The following TBCA variants were observed in gnomAD, a reference collection of about 807,000 sequenced individuals.
The protein encoded by TBCA is tubulin-specific chaperone A.
Under a neutral mutation model 15.8 loss-of-function variants are expected in TBCA, and 6 were observed. That is an observed-to-expected ratio of 0.38 (90% CI 0.21 to 0.75). The LOEUF (loss-of-function observed/expected upper bound fraction) is 0.75, where lower values mean the gene tolerates loss of function less well. TBCA is among the 30% of genes least tolerant of loss of function. The probability of loss-of-function intolerance (pLI) is 0.46; values close to 1 mark genes in which losing one functional copy is unlikely to be tolerated. For synonymous variants in TBCA, 32 were observed against 42.3 expected (o/e 0.76, Z 0.94); for missense variants, 90 against 131.2 (o/e 0.69, Z 1.53).
Position 77,732,761 on chromosome 5 carries a change from T to C in TBCA, c.54-24414A>G, listed in dbSNP as rs367816802. ...CTTTTATGTTACTATTGTTAATTGTTTTACGGTCCCACAAACTGTGCCTAT... is the reference window on the plus strand; with the variant it reads ...CTTTTATGTTACTATTGTTAATTGTCTTACGGTCCCACAAACTGTGCCTAT... On this transcript the variant is annotated intron_variant, in intron 1 of 3. Transcript: ENST00000380377. 2.0e-4 allele frequency among the ~76,000 whole-genome samples: 31 copies of C among 152,224 alleles called. 1 individual carries two copies. The East Asian group carries it at 5.8e-3, about 28-fold the overall frequency.
At chr5:77,720,508 G>A (rs1009283626) in intron 1 of TBCA, among the ~76,000 whole-genome samples, 1 of 152,174 alleles carries the variant, frequency 6.6e-6, no homozygotes, top group Non-Finnish European at 1.5e-5. Context: ...GAGGTCAGGA[G>A]TTCAAGACCA....
At chr5:77,738,042 A>G (rs16874578) in intron 1 of TBCA, among the ~76,000 whole-genome samples, 2,353 of 152,298 alleles carry the variant, frequency 0.015, 50 homozygotes, top group African/African-American at 0.054. Context: ...AGCCTTAAGG[A>G]TATTACCTCT....
intron 1 of TBCA, among the ~76,000 whole-genome samples, chr5:77,733,864 C>T (rs1408140408): frequency 6.6e-6 from 1 of 152,176 alleles, no homozygotes; most frequent in African/African-American, 2.4e-5. Flanking sequence ...GAAATCACTG[C>T]TTAGGCTTAA....
intron 1 of TBCA, among the ~76,000 whole-genome samples, chr5:77,720,126 C>A (rs1459195663): frequency 1.3e-5 from 2 of 152,238 alleles, no homozygotes; most frequent in South Asian, 2.1e-4. Context: ...AAATGATACC[C>A]TTCCCAACTT....
At chr5:77,706,447 A>C (rs967599828) in intron 2 of TBCA, among the ~76,000 whole-genome samples, 2 of 152,172 alleles carry the variant, frequency 1.3e-5, no homozygotes, top group African/African-American at 2.4e-5. Flanking sequence ...TTTGCAATAA[A>C]TAGTACTAGC....
intron 1 of TBCA, among the ~76,000 whole-genome samples, chr5:77,719,061 T>A (rs1746471143): frequency 6.6e-6 from 1 of 152,186 alleles, no homozygotes; most frequent in African/African-American, 2.4e-5. Flanking sequence ...ATGTCTCATA[T>A]CACACCTAGC....
intron 1 of TBCA, among the ~76,000 whole-genome samples, chr5:77,734,184 A>ATATTG (rs1306618213): frequency 3.3e-5 from 5 of 152,252 alleles, no homozygotes; most frequent in African/African-American, 1.2e-4. Context: ...AAGGAGATTA[A>ATATTG]TATTGTTTTC....
intron 3 of TBCA, chr5:77,691,704 T>C (rs1381592114): frequency 7.6e-7 from 1 of 1,310,916 alleles, no homozygotes; most frequent in African/African-American, 1.5e-5. Context: ...ACTGGTGGTT[T>C]TGTTTCACTG....
At chr5:77,749,437 A>C (rs1346315738) in intron 1 of TBCA, among the ~76,000 whole-genome samples, 6 of 152,254 alleles carry the variant, frequency 3.9e-5, no homozygotes, top group Non-Finnish European at 4.4e-5. Flanking sequence ...AGATGTGTGC[A>C]TATTTTATGG....
chr5:77,768,429 C>G (rs1382949367), intron 1 of TBCA, among the ~76,000 whole-genome samples: 1 of 152,104 alleles, frequency 6.6e-6, no homozygotes, highest in Admixed American at 6.5e-5. Context: ...GTAAGTGGAG[C>G]CTGGGAGCCC....
intron 1 of TBCA, 84 bp from the exon 2 acceptor site, chr5:77,708,431 A>G (rs566909093): frequency 1.3e-6 from 1 of 756,138 alleles, no homozygotes; most frequent in South Asian, 1.9e-5. Context: ...AAAACATATT[A>G]TATTTAAAAT....
At chr5:77,758,248 C>A (rs1264967323) in intron 1 of TBCA, among the ~76,000 whole-genome samples, 2 of 149,764 alleles carry the variant, frequency 1.3e-5, no homozygotes, top group Non-Finnish European at 3.0e-5. Context: ...CAAAGACAGG[C>A]GGCCTGGCAC....
intron 1 of TBCA, among the ~76,000 whole-genome samples, chr5:77,764,972 ATATT>A (rs1433421308): frequency 1.3e-5 from 2 of 152,032 alleles, no homozygotes; most frequent in Non-Finnish European, 2.9e-5. Context: ...AATTTTTTAA[ATATT>A]TAGTTAGAAA....
intron 1 of TBCA, among the ~76,000 whole-genome samples, chr5:77,760,142 C>G (rs1747576602): frequency 6.6e-6 from 1 of 152,186 alleles, no homozygotes; most frequent in Non-Finnish European, 1.5e-5. Flanking sequence ...GCATTTGATT[C>G]TCTTTCCTAC....
At chr5:77,741,171 G>C (rs1313104866) in intron 1 of TBCA, among the ~76,000 whole-genome samples, 1 of 152,202 alleles carries the variant, frequency 6.6e-6, no homozygotes, top group Non-Finnish European at 1.5e-5. Flanking sequence ...GTTAAGAAGT[G>C]ACTAGGAGGT....
At chr5:77,692,240 AGTATGTGT>A in intron 3 of TBCA, 2 of 985,254 alleles carry the variant, frequency 2.0e-6, no homozygotes, top group Non-Finnish European at 2.4e-6. Context: ...GAGGAAATAA[AGTATGTGT>A]GTATTTAATA....
In TBCA at chr5:77,742,601, T is replaced by C. The variant is rs1223180167; in HGVS notation, c.53+33604A>G. 5.3e-5 allele frequency among the ~76,000 whole-genome samples: 8 copies of C among 152,200 alleles called. No individual in the cohort carries two copies. In the East Asian group the frequency reaches 1.5e-3, roughly 29 times the overall value. ...GTATGTCAATGGCCTGAAAGGGTAA[T>C]GACATTTGAGAACTTAACTTTCAGT... On this transcript the variant is annotated intron_variant, in intron 1 of 3. Transcript: ENST00000380377.
intron 1 of TBCA, among the ~76,000 whole-genome samples, chr5:77,757,978 G>T (rs1009281190): frequency 1.3e-5 from 2 of 152,136 alleles, no homozygotes; most frequent in African/African-American, 2.4e-5. Flanking sequence ...GAAAGAATTC[G>T]ACTGAGGGGT....
At chr5:77,731,987 G>C (rs748143323) in intron 1 of TBCA, among the ~76,000 whole-genome samples, 1 of 152,090 alleles carries the variant, frequency 6.6e-6, no homozygotes, top group African/African-American at 2.4e-5. Flanking sequence ...ACACTATCCC[G>C]GTCTCCACAG....
Sources: allele counts gnomAD v4.1 joint callset (sites outside exome capture counted in the v4.1 genomes callset), GRCh38; gene constraint gnomAD v4.1.1; transcripts MANE v1.5; gene names NCBI Gene and HGNC (gene_info 2026-07-23, HGNC 2026-07-21).